The following SPEF2 variants were observed in gnomAD, a reference collection of about 807,000 sequenced individuals.
The protein encoded by SPEF2 is sperm flagella and cilia-associated protein 2.
SPEF2 carries 187 observed loss-of-function variants against 224.6 expected under a neutral mutation model. That is an observed-to-expected ratio of 0.83 (90% confidence interval 0.74 to 0.94). SPEF2 has a LOEUF of 0.94. Among genes scored for constraint, SPEF2 ranks in the 40% least tolerant of loss-of-function variants. The probability of loss-of-function intolerance (pLI) is 0.00; values close to 1 mark genes in which losing one functional copy is unlikely to be tolerated. For missense variants in SPEF2, 2,170 were observed against 2,135.6 expected (o/e 1.02, Z -0.32); for synonymous variants, 715 against 707.3 (o/e 1.01, Z -0.17).
At chr5:35,714,291 A>G (rs1742050980) in intron 20 of SPEF2, among the ~76,000 whole-genome samples, 2 of 151,426 alleles carry the variant, frequency 1.3e-5, no homozygotes, top group Admixed American at 1.3e-4. Flanking sequence ...ATTTTAGAGA[A>G]CTTTGAGTTA....
intron 21 of SPEF2, among the ~76,000 whole-genome samples, chr5:35,736,723 T>G (rs1458714913): frequency 1.3e-5 from 2 of 152,170 alleles, no homozygotes; most frequent in Non-Finnish European, 2.9e-5. Flanking sequence ...CATCAAGAGT[T>G]TTACAAAATT....
intron 34 of SPEF2, among the ~76,000 whole-genome samples, chr5:35,804,947 C>A (rs1365405999): frequency 6.6e-6 from 1 of 152,150 alleles, no homozygotes; most frequent in Non-Finnish European, 1.5e-5. Flanking sequence ...CCTGGACTCA[C>A]TCAGAAAGAT....
At position 35,740,160 on chromosome 5, in the gene SPEF2, G is replaced by T. The variant is rs968286396; in HGVS notation, c.3223G>T (p.Asp1075Tyr). ...TSFQEFLKRP[D>Y]HKQDFVAQWQ... ...TTTCCAGGAGTTTCTAAAGCGTCCG[G>T]ATCACAAGCAAGATTTTGTAGCTCA... The change falls in exon 23 of 37, where the codon GAT becomes TAT. Residue 1075 changes from aspartate (D) to tyrosine (Y), a missense_variant. Asp to Tyr is a radical substitution (Grantham distance 160). Coordinates refer to ENST00000356031, the MANE Select transcript of SPEF2 (RefSeq NM_024867.4). 1 of 1,614,032 alleles carries T rather than the reference G, an allele frequency of 6.2e-7. No homozygotes were observed. Among genetic ancestry groups the T allele is most frequent in the Non-Finnish European group, 8.5e-7 (1 of 1,179,996 alleles).
At chr5:35,732,858 G>C (rs568414631) in intron 21 of SPEF2, among the ~76,000 whole-genome samples, 1 of 152,142 alleles carries the variant, frequency 6.6e-6, no homozygotes, top group Non-Finnish European at 1.5e-5. Context: ...GAGAAAGAAA[G>C]AGCCTACAAT....
In SPEF2 at chr5:35,771,870, A is replaced by C. The variant is rs566414942; in HGVS notation, c.3949+114A>C. On this transcript the variant is annotated intron_variant, in intron 27 of 36. Transcript: ENST00000356031. ...CTAAGCCACTAAAATACTACTCATT[A>C]GGTTTAAACTAGAGACCCGGGCTTC... The C allele has an allele frequency of 3.6e-5, 46 of 1,274,150 alleles. No individual in the cohort carries two copies. In the East Asian group the frequency reaches 4.7e-4, roughly 13 times the overall value. The allele number at this position is 1,274,150 out of a possible 1,614,324, so 78.9% of individuals were successfully genotyped here.
At chr5:35,624,861 T>C (rs1744017046) in intron 1 of SPEF2, among the ~76,000 whole-genome samples, 2 of 152,174 alleles carry the variant, frequency 1.3e-5, no homozygotes, top group African/African-American at 2.4e-5. Flanking sequence ...GGTCTCGAAC[T>C]CCTGACCTCG....
chr5:35,768,684 G>C (rs1450406477), intron 26 of SPEF2, among the ~76,000 whole-genome samples: 1 of 152,018 alleles, frequency 6.6e-6, no homozygotes, highest in African/African-American at 2.4e-5. Context: ...AAATCTTATA[G>C]AAAGCATAGG....
chr5:35,774,509 A>G (rs1054182776), intron 28 of SPEF2, among the ~76,000 whole-genome samples: 4 of 152,170 alleles, frequency 2.6e-5, no homozygotes, highest in African/African-American at 7.2e-5. Flanking sequence ...GCCATAGGAG[A>G]GCCAGTCATA....
intron 23 of SPEF2, among the ~76,000 whole-genome samples, chr5:35,750,999 A>G (rs9688012): frequency 0.18 from 7,445 of 42,386 alleles, 962 homozygotes; most frequent in South Asian, 0.22. Context: ...ATATATATGT[A>G]TATATATATA....
intron 23 of SPEF2, among the ~76,000 whole-genome samples, chr5:35,746,643 T>G (rs1428586212): frequency 6.6e-6 from 1 of 151,886 alleles, no homozygotes; most frequent in Non-Finnish European, 1.5e-5. Flanking sequence ...AAAGAAAATA[T>G]GAGCAAAGCC....
chr5:35,780,968 A>T (rs1054459883), intron 30 of SPEF2, among the ~76,000 whole-genome samples: 1 of 152,096 alleles, frequency 6.6e-6, no homozygotes, highest in Admixed American at 6.5e-5. Flanking sequence ...TTTCCACTAA[A>T]AATTTAAAAA....
chr5:35,618,115 C>T (rs1742922339), intron 1 of SPEF2, 60 bp downstream of exon 1: 1 of 1,511,956 alleles, frequency 6.6e-7, no homozygotes, highest in Non-Finnish European at 9.0e-7. Flanking sequence ...GAGCCTGCAG[C>T]GCAGCGCAGC....
chr5:35,769,989 A>ATG (rs10627412), intron 26 of SPEF2, among the ~76,000 whole-genome samples: 2,410 of 142,308 alleles, frequency 0.017, 27 homozygotes, highest in Non-Finnish European at 0.02. Context: ...TGCCTCCATA[A>ATG]TGTGTGTGTG....
intron 34 of SPEF2, among the ~76,000 whole-genome samples, chr5:35,804,333 C>T (rs530348196): frequency 2.6e-5 from 4 of 152,294 alleles, no homozygotes; most frequent in African/African-American, 4.8e-5. Context: ...AGTCTGTTCC[C>T]CTGCTTAGAT....
chr5:35,640,570 G>A (rs1344329482), intron 2 of SPEF2, among the ~76,000 whole-genome samples: 6 of 152,174 alleles, frequency 3.9e-5, no homozygotes, highest in African/African-American at 1.2e-4. Flanking sequence ...CTGGACCTGA[G>A]AAGACCTTTA....
chr5:35,646,547 G>A (rs774095956), intron 4 of SPEF2, 120 bp from the exon 5 acceptor site: 151 of 907,646 alleles, frequency 1.7e-4, no homozygotes, highest in Non-Finnish European at 2.2e-4. Flanking sequence ...TAGTCTCTTG[G>A]CTAATTGCTG....
intron 35 of SPEF2, 49 bp from the exon 36 acceptor site, chr5:35,807,082 T>C: frequency 6.3e-7 from 1 of 1,578,322 alleles, no homozygotes; most frequent in African/African-American, 1.4e-5. Context: ...TTTTTTAACA[T>C]CTACTGGATT....
chr5:35,654,756 A>G, intron 7 of SPEF2, 30 bp downstream of exon 7: 1 of 1,572,698 alleles, frequency 6.4e-7, no homozygotes, highest in Middle Eastern at 1.7e-4. Flanking sequence ...GTTAAGTAAT[A>G]GTGCTGGGAA....
At chr5:35,646,626 G>T (rs1326009496) in intron 4 of SPEF2, 41 bp from the exon 5 acceptor site, 4 of 1,587,600 alleles carry the variant, frequency 2.5e-6, no homozygotes, top group Non-Finnish European at 3.4e-6. Context: ...TGCCTATTCT[G>T]TTATTCTGAA....
Sources: allele counts gnomAD v4.1 joint callset (sites outside exome capture counted in the v4.1 genomes callset), GRCh38; gene constraint gnomAD v4.1.1; transcripts MANE v1.5; gene names NCBI Gene and HGNC (gene_info 2026-07-23, HGNC 2026-07-21).